ACTN1: variants seen among roughly 807,000 people sequenced by gnomAD.
The protein encoded by ACTN1 is alpha-actinin-1.
Under a neutral mutation model 119.6 loss-of-function variants are expected in ACTN1, and 30 were observed. The ratio of observed to expected loss-of-function variants is 0.25; its 90% CI spans 0.19 to 0.34. ACTN1 has a LOEUF of 0.34. Ranked by LOEUF, ACTN1 falls within the 10% of genes least tolerant of loss-of-function variation. The pLI is 1.00. For missense variants in ACTN1, 764 were observed against 1,223.4 expected (o/e 0.62, Z 5.60); for synonymous variants, 429 against 472.6 (o/e 0.91, Z 1.20).
intron 6 of ACTN1, among the ~76,000 whole-genome samples, chr14:68,907,058 A>G (rs1235213631): frequency 6.6e-6 from 1 of 151,954 alleles, no homozygotes; most frequent in Non-Finnish European, 1.5e-5. Context: ...GAATCACCTG[A>G]GGTCAGGAGT....
intron 1 of ACTN1, among the ~76,000 whole-genome samples, chr14:68,957,488 T>C (rs2036387314): frequency 6.6e-6 from 1 of 152,266 alleles, no homozygotes; most frequent in Non-Finnish European, 1.5e-5. Context: ...ATGCCCATTC[T>C]GGCATTTAAA....
Position 68,878,518 on chromosome 14 carries a change from C to A in ACTN1, c.2367G>T (p.Lys789Asn). 1.2e-6 allele frequency: 2 copies of A among 1,605,620 alleles called. No homozygotes were observed. Among genetic ancestry groups the A allele is most frequent in the Non-Finnish European group, 1.7e-6 (2 of 1,175,202 alleles). The change falls in exon 20 of 22, where the codon AAG (lysine) becomes AAT (asparagine). Residue 789 changes from lysine to asparagine, a missense_variant. Around this residue, in one of 4 missense-constraint regions of ACTN1, gnomAD observed 544 missense variants for 912.0 expected, o/e 0.60. Transcript: ENST00000394419. The surrounding 1 kb of genome is among the most constrained non-coding windows in gnomAD (Gnocchi z 4.4). ...GYDIGNDPQK[K>N]TGMMDTDDFR... ...AATCATCCGTGTCCATCATGCCTGT[C>A]TTCTTCTGTGGGGGGCAGTGGTACC... is the stretch of plus-strand genomic sequence containing the variant.
intron 1 of ACTN1, among the ~76,000 whole-genome samples, chr14:68,943,057 C>T (rs1031769508): frequency 6.6e-6 from 1 of 152,196 alleles, no homozygotes; most frequent in African/African-American, 2.4e-5. Flanking sequence ...AAAAGCAGCA[C>T]AGAAACCCTC....
At chr14:68,892,862 TACACTGAAC>T (rs1401700489) in intron 9 of ACTN1, among the ~76,000 whole-genome samples, 3 of 152,002 alleles carry the variant, frequency 2.0e-5, no homozygotes. Context: ...ACAATAGGAA[TACACTGAAC>T]ACCTGCAGGG....
chr14:68,898,851 T>C (rs553540279), intron 8 of ACTN1, among the ~76,000 whole-genome samples: 78 of 151,706 alleles, frequency 5.1e-4, no homozygotes, highest in African/African-American at 1.8e-3. Context: ...GGCATGAGAT[T>C]TGGGAGGGGG....
Position 68,925,440 on chromosome 14 carries a change from G to T in ACTN1, c.220+118C>A. On this transcript the variant is annotated intron_variant, in intron 2 of 21. Transcript: ENST00000394419. The surrounding 1 kb of genome is among the most constrained non-coding windows in gnomAD (Gnocchi z 4.3). Reference sequence around the variant, plus strand: ...ACGCTCCTAGGATGAATTCATACATGTCATCCCCAACTTGTTTCAAGAGAC... The same window carrying T: ...ACGCTCCTAGGATGAATTCATACATTTCATCCCCAACTTGTTTCAAGAGAC... The T allele has an allele frequency of 1.6e-6, 1 of 616,058 alleles. No homozygotes were observed. The highest frequency in any genetic ancestry group is 2.6e-6 in the Non-Finnish European group (1 of 386,926). The allele number at this position is 616,058 out of a possible 1,614,324, so 38.2% of individuals were successfully genotyped here. A position where few individuals can be genotyped will look rare whatever the true frequency, so the allele number is the denominator to read the frequency against.
intron 8 of ACTN1, among the ~76,000 whole-genome samples, chr14:68,898,217 A>G (rs150752556): frequency 3.1e-4 from 47 of 152,296 alleles, no homozygotes; most frequent in African/African-American, 1.1e-3. Context: ...CAGACCATGA[A>G]CTCTAAAACA....
chr14:68,935,243 C>T (rs962191685), intron 1 of ACTN1, among the ~76,000 whole-genome samples: 1 of 151,890 alleles, frequency 6.6e-6, no homozygotes, highest in African/African-American at 2.4e-5. Context: ...AGGCTGGTCT[C>T]GAACTCCTGA....
At chr14:68,913,576 G>A (rs1594804910) in intron 3 of ACTN1, among the ~76,000 whole-genome samples, 1 of 152,294 alleles carries the variant, frequency 6.6e-6, no homozygotes, top group East Asian at 1.9e-4. Context: ...CCAAAAGTGA[G>A]GGCAAAACTG....
At chr14:68,977,809 C>CCG in intron 1 of ACTN1, 3 of 368,620 alleles carry the variant, frequency 8.1e-6, no homozygotes, top group East Asian at 8.1e-5. Flanking sequence ...GTCCCCCCCC[C>CCG]ACCCAAAACC....
intron 8 of ACTN1, 72 bp from the exon 9 acceptor site, chr14:68,893,819 G>A: frequency 6.9e-7 from 1 of 1,457,348 alleles, no homozygotes; most frequent in African/African-American, 1.4e-5. Context: ...CACCTGTGCT[G>A]ACAAAGCCCC....
At chr14:68,921,589 G>A (rs894954347) in intron 2 of ACTN1, among the ~76,000 whole-genome samples, 1 of 152,210 alleles carries the variant, frequency 6.6e-6, no homozygotes, top group African/African-American at 2.4e-5. Flanking sequence ...AGGAGGAACT[G>A]AGGAGTGGTC....
chr14:68,963,652 C>T (rs989344399), intron 1 of ACTN1, among the ~76,000 whole-genome samples: 4 of 152,164 alleles, frequency 2.6e-5, no homozygotes, highest in Non-Finnish European at 2.9e-5. Context: ...TCAAACCCTC[C>T]GGTGAGCACC....
Position 68,979,146 on chromosome 14 carries a change from T to TGGGGG in ACTN1, c.-91_-90insCCCCC. On this transcript the variant is annotated 5_prime_UTR_variant, in exon 1 of 22. Coordinates refer to ENST00000394419, the MANE Select transcript of ACTN1 (RefSeq NM_001130004.2). ...CCCTGGCGTGGGGAGGGAGTAGGGC[T>TGGGGG]GGGCTGGGCTGGGCTGGCGGGGCCG... The TGGGGG allele has an allele frequency of 2.4e-6, 1 of 412,012 alleles. No individual in the cohort carries two copies. The highest frequency in any genetic ancestry group is 4.3e-6 in the Non-Finnish European group (1 of 231,476). The allele number at this position is 412,012 out of a possible 1,614,324, so 25.5% of individuals were successfully genotyped here. A position where few individuals can be genotyped will look rare whatever the true frequency, so the allele number is the denominator to read the frequency against.
Position 68,878,982 on chromosome 14 carries a change from C to A in ACTN1, c.2361+7G>T, listed in dbSNP as rs368694435. On this transcript the variant is annotated splice_region_variant and intron_variant, in intron 19 of 21. Coordinates refer to ENST00000394419, the MANE Select transcript of ACTN1 (RefSeq NM_001130004.2). The surrounding 1 kb of genome is among the most constrained non-coding windows in gnomAD (Gnocchi z 4.4). The stretch of plus-strand genomic sequence containing the variant: ...CCCTGAGCGTGCTCCATGCAGGAGG[C>A]GAGTACCTGGGGGTCGTTGCCAATA... The A allele has an allele frequency of 4.3e-6, 7 of 1,612,926 alleles. No individual in the cohort carries two copies. Among genetic ancestry groups the A allele is most frequent in the African/African-American group, 1.3e-5 (1 of 74,566 alleles).
At chr14:68,947,934 C>G (rs541938981) in intron 1 of ACTN1, among the ~76,000 whole-genome samples, 1 of 152,216 alleles carries the variant, frequency 6.6e-6, no homozygotes, top group Admixed American at 6.5e-5. Flanking sequence ...AAGCCCAAGG[C>G]ACCGCCCTCA....
chr14:68,961,638 A>C (rs553504217), intron 1 of ACTN1, among the ~76,000 whole-genome samples: 1 of 152,320 alleles, frequency 6.6e-6, no homozygotes, highest in African/African-American at 2.4e-5. Context: ...TGGATTTCAC[A>C]GGGTCTTGGA....
At chr14:68,975,571 C>T (rs2037033508) in intron 1 of ACTN1, among the ~76,000 whole-genome samples, 2 of 152,148 alleles carry the variant, frequency 1.3e-5, no homozygotes, top group Admixed American at 6.5e-5. Context: ...ACTGGGTACA[C>T]ACATACACCT....
At chr14:68,887,877 T>C in intron 11 of ACTN1, 1 of 833,844 alleles carries the variant, frequency 1.2e-6, no homozygotes, top group Non-Finnish European at 2.1e-6. Flanking sequence ...AAATCTTTAG[T>C]TTCTTAGTTA....
Sources: gnomAD v4.1 joint callset for allele counts (sites outside exome capture counted in the v4.1 genomes callset) on GRCh38, gnomAD v4.1.1 for gene constraint, gnomAD v4.1.1 regional missense constraint, Gnocchi (gnomAD v3.1) non-coding constraint, MANE v1.5 for transcripts, NCBI Gene and HGNC (gene_info 2026-07-23, HGNC 2026-07-21) for gene names.